Variants in SIGLEC6 observed in about 807,000 individuals in gnomAD.
SIGLEC6 encodes the protein sialic acid binding Ig like lectin 6, also known as sialic acid-binding Ig-like lectin 6.
Under a neutral mutation model 41.4 loss-of-function variants are expected in SIGLEC6, and 31 were observed. The ratio of observed to expected loss-of-function variants is 0.75; its 90% confidence interval spans 0.56 to 1.01. SIGLEC6 has a LOEUF of 1.01. SIGLEC6 is among the 50% of genes least tolerant of loss of function. The pLI, the probability that SIGLEC6 is intolerant of heterozygous loss-of-function variation, is 0.00. For synonymous variants in SIGLEC6, 217 were observed against 231.0 expected (o/e 0.94, Z 0.55); for missense variants, 555 against 558.6 (o/e 0.99, Z 0.06).
chr19:51,517,987 T>C lies in SIGLEC6; in HGVS notation c.*2095A>G, dbSNP rs1990657791. On this transcript the variant is annotated 3_prime_UTR_variant, in exon 8 of 8. Transcript: ENST00000425629. ...TTGACCCCTCTACAAACCATCATTT[T>C]TACAACAAGTATTTGTTTCATTTTG... Among the ~76,000 whole-genome samples the C allele has an allele frequency of 6.6e-6, 1 of 152,192 alleles. No individual in the cohort carries two copies. Among genetic ancestry groups the C allele is most frequent in the Admixed American group, 6.5e-5 (1 of 15,282 alleles).
rs772851483 is a variant in SIGLEC6 at position 51,531,223 on chromosome 19, G to A, written c.364C>T (p.Arg122Trp). 15 of 1,612,866 alleles carry A rather than the reference G, an allele frequency of 9.3e-6. No homozygotes were observed. Among genetic ancestry groups the A allele is most frequent in the Admixed American group, 1.7e-5 (1 of 59,894 alleles). Residue 122 changes from arginine (R) to tryptophan (W), a missense_variant, in exon 2 of 8, where the codon CGG (arginine) becomes TGG (tryptophan). Physicochemically the swap from Arg to Trp is moderately radical, Grantham distance 101. Coordinates refer to ENST00000425629, the MANE Select transcript of SIGLEC6 (RefSeq NM_001245.7). Reference sequence around the variant, plus strand: ...TATTTCATCCATTTGGACTTCAACCGAAAGAAGTATGCAGCATTGTCCCTC... The same window carrying A: ...TATTTCATCCATTTGGACTTCAACCAAAAGAAGTATGCAGCATTGTCCCTC... Reference protein sequence around the residue: ...RRRDNAAYFFRLKSKWMKYGY... With the variant: ...RRRDNAAYFFWLKSKWMKYGY...
chr19:51,522,291 G>T (rs1978404785), intron 7 of SIGLEC6, among the ~76,000 whole-genome samples: 1 of 152,190 alleles, frequency 6.6e-6, no homozygotes, highest in East Asian at 1.9e-4. Flanking sequence ...CGAGAACAAA[G>T]CTCAACAATT....
chr19:51,522,599 A>G (rs1258525233), intron 7 of SIGLEC6, among the ~76,000 whole-genome samples: 6 of 152,126 alleles, frequency 3.9e-5, no homozygotes, highest in Non-Finnish European at 8.8e-5. Context: ...CAGCCTGGGC[A>G]ACATGGTGAA....
At chr19:51,527,643 G>T in intron 7 of SIGLEC6, 104 bp downstream of exon 7, 3 of 873,444 alleles carry the variant, frequency 3.4e-6, no homozygotes, top group Non-Finnish European at 5.4e-6. Context: ...ATGTGGAACC[G>T]CAGGGAATGT....
intron 7 of SIGLEC6, among the ~76,000 whole-genome samples, chr19:51,525,957 A>C (rs1979156713): frequency 6.6e-6 from 1 of 152,040 alleles, no homozygotes; most frequent in African/African-American, 2.4e-5. Context: ...AACCTCCAGC[A>C]TGCCACAGCT....
intron 2 of SIGLEC6, 83 bp from the exon 3 acceptor site, chr19:51,531,042 TTC>T: frequency 6.3e-6 from 10 of 1,576,274 alleles, no homozygotes; most frequent in Non-Finnish European, 8.5e-6. Context: ...GTCCAGCTCC[TTC>T]TCTGAGCCCA....
rs761186986 is a variant in SIGLEC6, at chr19:51,531,332, C to T, written c.255G>A (p.Val85=). ...GGAATCGGCCCCGGGTCTCCTCCTG[C>T]ACTTCTTCGTCTGGGTCGTTTGTGG... ...PVATNDPDEE[V]QEETRGRFHL... is the part of the protein sequence containing the mutation. The change falls in exon 2 of 8, where the codon GTG becomes GTA. Residue 85 remains valine (V), a synonymous_variant. Coordinates refer to ENST00000425629, the MANE Select transcript of SIGLEC6 (RefSeq NM_001245.7). 1.9e-6 allele frequency: 3 copies of T among 1,614,192 alleles called. No homozygotes were observed. The South Asian group carries it at 3.3e-5, about 18-fold the overall frequency.
At position 51,529,731 on chromosome 19, in the gene SIGLEC6, A is replaced by G; in HGVS notation, c.1005T>C (p.Phe335=). 6.2e-7 allele frequency: 1 copy of G among 1,614,118 alleles called. No individual in the cohort carries two copies. The highest frequency in any genetic ancestry group is 8.5e-7 in the Non-Finnish European group (1 of 1,180,002). Residue 335 remains phenylalanine, a synonymous_variant, in exon 5 of 8, where the codon TTT becomes TTC. Transcript: ENST00000425629. ...ACCTCCCCCCACACTCACAATGCACAAAGAGACTCAGAGAGATTTGCAGGG... is the reference window on the plus strand; with the variant it reads ...ACCTCCCCCCACACTCACAATGCACGAAGAGACTCAGAGAGATTTGCAGGG... ...LGSLQISLSL[F]VHWKPEGRAG... is the part of the protein sequence containing the mutation.
At chr19:51,526,119 A>G (rs552879388) in intron 7 of SIGLEC6, among the ~76,000 whole-genome samples, 3 of 152,168 alleles carry the variant, frequency 2.0e-5, no homozygotes, top group Non-Finnish European at 4.4e-5. Context: ...CTCTAGGATG[A>G]AGCCCCAAGA....
intron 5 of SIGLEC6, chr19:51,528,514 G>T (rs1421083714): frequency 5.7e-6 from 3 of 527,774 alleles, no homozygotes; most frequent in Non-Finnish European, 1.0e-5. Context: ...TTTCTCTGGA[G>T]CAGTTAGGGG....
Position 51,530,746 on chromosome 19 carries a change from G to A in SIGLEC6, c.641C>T (p.Thr214Ile), listed in dbSNP as rs1400982047. 7 of 1,614,042 alleles carry A rather than the reference G, an allele frequency of 4.3e-6. No homozygotes were observed. Among genetic ancestry groups the A allele is most frequent in the Non-Finnish European group, 5.9e-6 (7 of 1,180,014 alleles). Reference sequence around the variant, plus strand: ...GGCTCCAGGGAACGTCACCTGACAGGTGAGGTTGGTGCTGTGGTCCTGGGG... The same window carrying A: ...GGCTCCAGGGAACGTCACCTGACAGATGAGGTTGGTGCTGTGGTCCTGGGG... ...PRPQDHSTNL[T>I]CQVTFPGAGV... The change falls in exon 3 of 8, where the codon ACC (threonine) becomes ATC (isoleucine). Residue 214 changes from threonine (T) to isoleucine (I), a missense_variant. Physicochemically the swap from Thr to Ile is moderately conservative, Grantham distance 89. Transcript: ENST00000425629.
Position 51,530,931 on chromosome 19 carries a change from G to C in SIGLEC6, c.456C>G (p.Ile152Met), listed in dbSNP as rs745706126. 7.4e-6 allele frequency: 12 copies of C among 1,612,706 alleles called. No individual in the cohort carries two copies. The highest frequency in any genetic ancestry group is 1.6e-4 in the Middle Eastern group (1 of 6,078). Reference protein sequence around the residue: ...MALTHRPNISIPGTLESGHPS... With the variant: ...MALTHRPNISMPGTLESGHPS... The stretch of plus-strand genomic sequence containing the variant: ...GATGGCCAGACTCCAGGGTCCCTGG[G>C]ATGGAGATGTTGGGCCTGTGGGTCA... The change falls in exon 3 of 8, where the codon ATC becomes ATG. Residue 152 changes from isoleucine (I) to methionine (M), a missense_variant. Ile to Met is a conservative substitution (Grantham distance 10). Transcript: ENST00000425629.
chr19:51,531,093 C>T (rs1297614641), intron 2 of SIGLEC6, 67 bp downstream of exon 2: 6 of 1,547,886 alleles, frequency 3.9e-6, no homozygotes, highest in Non-Finnish European at 5.2e-6. Context: ...ACGGGGCTCC[C>T]GTCCCAGCCC....
chr19:51,520,636 A>G (rs931812487), intron 7 of SIGLEC6, among the ~76,000 whole-genome samples: 1 of 152,150 alleles, frequency 6.6e-6, no homozygotes, highest in Non-Finnish European at 1.5e-5. Context: ...TTGGCTTCCT[A>G]AAGTGCTGGG....
intron 5 of SIGLEC6, chr19:51,528,584 A>G: frequency 2.7e-6 from 1 of 367,866 alleles, no homozygotes. Context: ...ACCTCAGAGC[A>G]TGACCTGATT....
chr19:51,530,972 T>C lies in SIGLEC6; in HGVS notation c.428-13A>G. On this transcript the variant is annotated splice_polypyrimidine_tract_variant and intron_variant, in intron 2 of 7. Transcript: ENST00000425629. ...CTGTGGGTCAGGGCTGGTGAGGAGA[T>C]GGGGACGCAGGATCAGGATGGAGGT... 4 of 1,607,812 alleles carry C rather than the reference T, an allele frequency of 2.5e-6. No individual in the cohort carries two copies. The highest frequency in any genetic ancestry group is 3.4e-6 in the Non-Finnish European group (4 of 1,179,190).
intron 5 of SIGLEC6, chr19:51,529,440 T>A: frequency 4.4e-6 from 2 of 459,270 alleles, no homozygotes; most frequent in South Asian, 4.6e-5. Context: ...GCTGAATCCC[T>A]GGCAGGGGCT....
At chr19:51,525,283 GGACAGGGCTCCCAGAGGTAACA>G (rs1256505377) in intron 7 of SIGLEC6, among the ~76,000 whole-genome samples, 1 of 152,054 alleles carries the variant, frequency 6.6e-6, no homozygotes, top group East Asian at 1.9e-4. Context: ...GACTTCTCTG[GGACAGGGCTCCCAGAGGTAACA>G]GACAAGTCTG....
chr19:51,527,754 C>G lies in SIGLEC6; in HGVS notation c.1181G>C (p.Gly394Ala). The G allele has an allele frequency of 6.2e-7, 1 of 1,613,970 alleles. No homozygotes were observed. Among genetic ancestry groups the G allele is most frequent in the Non-Finnish European group, 8.5e-7 (1 of 1,179,886 alleles). Residue 394 changes from glycine (G) to alanine (A), a missense_variant, in exon 7 of 8, where the codon GGC becomes GCC. Coordinates refer to ENST00000425629, the MANE Select transcript of SIGLEC6 (RefSeq NM_001245.7). ...TDDVNPVMVS[G>A]SRGHQHQFQT... ...AAGGTCTCTGTCACTCACCCTGGAG[C>G]CTGAGACCATGACGGGGTTCACATC...
Sources: gnomAD v4.1 joint callset for allele counts (sites outside exome capture counted in the v4.1 genomes callset) on GRCh38, gnomAD v4.1.1 for gene constraint, MANE v1.5 for transcripts, NCBI Gene and HGNC (gene_info 2026-07-23, HGNC 2026-07-21) for gene names.